Variants in CACNA1C observed in about 807,000 individuals in gnomAD.
CACNA1C encodes voltage-dependent L-type calcium channel subunit alpha-1C.
Under a neutral mutation model 229.0 loss-of-function variants are expected in CACNA1C, and 30 were observed. The ratio of observed to expected loss-of-function variants is 0.13; its 90% CI spans 0.10 to 0.18. The LOEUF (loss-of-function observed/expected upper bound fraction) is 0.18. Among genes scored for constraint, CACNA1C ranks in the 10% least tolerant of loss-of-function variants. The pLI is 1.00. For missense variants in CACNA1C, 1,658 were observed against 2,845.0 expected, an observed-to-expected ratio of 0.58 and a Z score of 9.49; for synonymous variants, 1,114 against 1,132.5, an observed-to-expected ratio of 0.98 and a Z score of 0.33.
chr12:2,400,667 T>C (rs2098664449), intron 3 of CACNA1C, among the ~76,000 whole-genome samples: 1 of 152,192 alleles, frequency 6.6e-6, no homozygotes, highest in African/African-American at 2.4e-5. Flanking sequence ...CACAGCACTC[T>C]CTGCCTCCCT....
intron 3 of CACNA1C, among the ~76,000 whole-genome samples, chr12:2,249,766 T>C (rs2074850282): frequency 6.9e-6 from 1 of 145,298 alleles, no homozygotes; most frequent in African/African-American, 2.6e-5. Context: ...CTGCCTTGCC[T>C]TCTCTCTTTT....
At chr12:2,224,059 T>G (rs1048792994) in intron 3 of CACNA1C, among the ~76,000 whole-genome samples, 27 of 152,200 alleles carry the variant, frequency 1.8e-4, no homozygotes, top group African/African-American at 6.3e-4. Context: ...GAGATGGGTC[T>G]TAAAGACCTG....
At chr12:2,656,035 A>G (rs886171223) in intron 34 of CACNA1C, among the ~76,000 whole-genome samples, 5 of 152,220 alleles carry the variant, frequency 3.3e-5, no homozygotes. Context: ...GATGAGGAAC[A>G]AGACAAAGAT....
At chr12:2,329,107 G>A (rs1360459472) in intron 3 of CACNA1C, among the ~76,000 whole-genome samples, 4 of 152,156 alleles carry the variant, frequency 2.6e-5, no homozygotes, top group Non-Finnish European at 5.9e-5. Context: ...GAATAGCAAT[G>A]TTGGTATACA....
chr12:2,617,380 G>A (rs1221529985), intron 29 of CACNA1C, among the ~76,000 whole-genome samples: 1 of 152,208 alleles, frequency 6.6e-6, no homozygotes, highest in Non-Finnish European at 1.5e-5. Context: ...TAAGCTATAG[G>A]GAGGGCCAGG....
At chr12:2,466,397 A>G (rs2099550931) in intron 5 of CACNA1C, among the ~76,000 whole-genome samples, 1 of 152,198 alleles carries the variant, frequency 6.6e-6, no homozygotes, top group Non-Finnish European at 1.5e-5. Flanking sequence ...CCTCGCTTGC[A>G]GTTAAGGACA....
At chr12:2,436,869 G>A (rs1004621923) in intron 3 of CACNA1C, among the ~76,000 whole-genome samples, 3 of 152,200 alleles carry the variant, frequency 2.0e-5, no homozygotes, top group African/African-American at 7.2e-5. Flanking sequence ...GCTTCCCCCA[G>A]GACCTCAGTT....
chr12:2,434,725 C>A (rs546820944), intron 3 of CACNA1C, among the ~76,000 whole-genome samples: 14 of 152,330 alleles, frequency 9.2e-5, no homozygotes, highest in African/African-American at 3.4e-4. Context: ...GCCTTTCATT[C>A]TTCCAGCCGT....
chr12:2,011,843 A>G (rs1215231450), intron 1 of CACNA1C, among the ~76,000 whole-genome samples: 1 of 152,200 alleles, frequency 6.6e-6, no homozygotes, highest in Non-Finnish European at 1.5e-5. Flanking sequence ...GCCATCCTGT[A>G]GGTGGCTTCC....
At chr12:2,012,035 T>C (rs376195827) in intron 1 of CACNA1C, among the ~76,000 whole-genome samples, 2 of 152,214 alleles carry the variant, frequency 1.3e-5, no homozygotes, top group East Asian at 1.9e-4. Flanking sequence ...ACCTACTATG[T>C]TACCTTTTCA....
intron 3 of CACNA1C, among the ~76,000 whole-genome samples, chr12:2,405,469 A>G (rs531038174): frequency 3.3e-5 from 5 of 152,044 alleles, no homozygotes; most frequent in Non-Finnish European, 5.9e-5. Flanking sequence ...CTCCATCTCT[A>G]TAATTTTGTC....
chr12:2,192,026 ACG>A lies in CACNA1C; in HGVS notation c.477+71598_477+71599del, dbSNP rs1400879581. 3.9e-3 allele frequency among the ~76,000 whole-genome samples: 585 copies of A among 151,556 alleles called. 2 individuals carry two copies. Among genetic ancestry groups the A allele is most frequent in the Middle Eastern group, 0.01 (3 of 294 alleles). On this transcript the variant is annotated intron_variant, in intron 3 of 46. Transcript: ENST00000399655. ...CACACACATACGTTCACACATATAC[ACG>A]CACTCACACATACAGGCACACACAT...
In CACNA1C at chr12:2,654,086, C is replaced by T. The variant is rs537498197; in HGVS notation, c.4140+186C>T. On this transcript the variant is annotated intron_variant, in intron 33 of 46. Transcript: ENST00000399655. This position sits in a 1 kb window ranked among gnomAD's most constrained non-coding sequence, Gnocchi z 4.4. ...ATTGGAACTTTCCCCAAATGGATCT[C>T]CTGTAGGTAGCAGGAGAATGTCCCG... Among the ~76,000 whole-genome samples the T allele has an allele frequency of 6.6e-6, 1 of 152,316 alleles. No homozygotes were observed. Among genetic ancestry groups the T allele is most frequent in the South Asian group, 2.1e-4 (1 of 4,828 alleles).
intron 3 of CACNA1C, among the ~76,000 whole-genome samples, chr12:2,136,016 G>GT (rs1318752375): frequency 6.6e-6 from 1 of 150,642 alleles, no homozygotes; most frequent in African/African-American, 2.4e-5. Flanking sequence ...GTGGTGCGCC[G>GT]TTTTTTAAGC....
intron 3 of CACNA1C, among the ~76,000 whole-genome samples, chr12:2,249,710 ATCTAG>A (rs1474536800): frequency 2.2e-4 from 34 of 151,520 alleles, no homozygotes; most frequent in Non-Finnish European, 4.0e-4. Flanking sequence ...CAGGCCTAAA[ATCTAG>A]TCTAGGGCTC....
At chr12:2,250,194 C>T (rs550346676) in intron 3 of CACNA1C, among the ~76,000 whole-genome samples, 2 of 152,278 alleles carry the variant, frequency 1.3e-5, no homozygotes, top group East Asian at 1.9e-4. Context: ...CAGAGCCCAC[C>T]CAGTCAGTAT....
rs188230410 is a variant in CACNA1C at position 1,991,075 on chromosome 12, T to C, written c.139+19874T>C. 3.8e-4 allele frequency: 172 copies of C among 455,958 alleles called. 1 individual carries two copies. Among genetic ancestry groups the C allele is most frequent in the Non-Finnish European group, 6.7e-4 (153 of 226,852 alleles). The allele number at this position is 455,958 out of a possible 1,614,324, so 28.2% of individuals were successfully genotyped here. On this transcript the variant is annotated intron_variant, in intron 1 of 46. Transcript: ENST00000682462. ...TGTTCAACTGATTCTATTTCTTTTG[T>C]ATGGAAATTCATTAGAAACATTTTA...
chr12:2,546,402 C>A (rs2099881265), intron 9 of CACNA1C, among the ~76,000 whole-genome samples: 1 of 152,166 alleles, frequency 6.6e-6, no homozygotes, highest in Non-Finnish European at 1.5e-5. Flanking sequence ...GGTGTCTTCA[C>A]ACTATTCCCT....
chr12:2,497,706 A>ATT (rs200236172), intron 7 of CACNA1C, among the ~76,000 whole-genome samples: 1 of 151,522 alleles, frequency 6.6e-6, no homozygotes, highest in African/African-American at 2.4e-5. Flanking sequence ...TCTTCGACTG[A>ATT]TTTTTTTTTA....
Sources: allele counts gnomAD v4.1 joint callset (sites outside exome capture counted in the v4.1 genomes callset), GRCh38; gene constraint gnomAD v4.1.1; non-coding constraint Gnocchi (gnomAD v3.1); transcripts MANE v1.5; gene names NCBI Gene and HGNC (gene_info 2026-07-23, HGNC 2026-07-21).